Variants in ADAMTS17 observed in about 807,000 individuals in gnomAD.
ADAMTS17 encodes the protein A disintegrin and metalloproteinase with thrombospondin motifs 17.
ADAMTS17 carries 113 observed loss-of-function variants against 141.5 expected under a neutral mutation model. The ratio of observed to expected loss-of-function variants is 0.80; its 90% CI spans 0.69 to 0.93. The LOEUF (loss-of-function observed/expected upper bound fraction) is 0.93, where lower values mean the gene tolerates loss of function less well. Among genes scored for constraint, ADAMTS17 ranks in the 40% least tolerant of loss-of-function variants. The pLI is 0.00. For synonymous variants in ADAMTS17, 768 were observed against 630.6 expected, an observed-to-expected ratio of 1.22 and a Z score of -3.27; for missense variants, 1,659 against 1,517.9, an observed-to-expected ratio of 1.09 and a Z score of -1.54.
intron 3 of ADAMTS17, among the ~76,000 whole-genome samples, chr15:100,302,905 T>C (rs1025561743): frequency 6.6e-6 from 1 of 151,938 alleles, no homozygotes; most frequent in Non-Finnish European, 1.5e-5. Context: ...CAGAAAAATG[T>C]GAGAAGAGAA....
chr15:100,108,360 G>A (rs2036536903), intron 14 of ADAMTS17, among the ~76,000 whole-genome samples: 2 of 152,100 alleles, frequency 1.3e-5, no homozygotes, highest in African/African-American at 2.4e-5. Flanking sequence ...ATTTTTAGTA[G>A]AGACTGAGTT....
chr15:100,283,758 C>T (rs1405466431), intron 3 of ADAMTS17, among the ~76,000 whole-genome samples: 2 of 152,190 alleles, frequency 1.3e-5, no homozygotes, highest in African/African-American at 2.4e-5. Flanking sequence ...AGAAAAGTAG[C>T]CTGTCACTCC....
At chr15:100,323,784 G>A (rs2141919275) in intron 3 of ADAMTS17, among the ~76,000 whole-genome samples, 1 of 152,262 alleles carries the variant, frequency 6.6e-6, no homozygotes, top group South Asian at 2.1e-4. Flanking sequence ...GACTGTGAGT[G>A]ATAAATGCAA....
At chr15:100,250,056 T>C (rs1342835909) in intron 7 of ADAMTS17, among the ~76,000 whole-genome samples, 1 of 152,206 alleles carries the variant, frequency 6.6e-6, no homozygotes, top group Non-Finnish European at 1.5e-5. Flanking sequence ...TGGTGGCAAA[T>C]GTTATGTGTA....
intron 20 of ADAMTS17, chr15:99,976,513 G>A (rs2060334476): frequency 5.2e-6 from 3 of 575,068 alleles, no homozygotes; most frequent in Non-Finnish European, 6.3e-6. Flanking sequence ...AACAGCAGCT[G>A]CCTGATAGAA....
intron 7 of ADAMTS17, among the ~76,000 whole-genome samples, chr15:100,222,005 G>C (rs906545018): frequency 6.6e-5 from 10 of 152,198 alleles, no homozygotes; most frequent in African/African-American, 2.2e-4. Context: ...CTGTGACCCA[G>C]TCAACCAGGT....
chr15:100,220,689 A>G (rs2042106946), intron 7 of ADAMTS17, among the ~76,000 whole-genome samples: 1 of 152,058 alleles, frequency 6.6e-6, no homozygotes, highest in Non-Finnish European at 1.5e-5. Context: ...CTCCTCCCCG[A>G]GCCCCTGGCA....
intron 18 of ADAMTS17, among the ~76,000 whole-genome samples, chr15:100,039,969 T>C (rs111322193): frequency 0.03 from 4,629 of 152,264 alleles, 247 homozygotes; most frequent in African/African-American, 0.1. Context: ...ATTCTAGTAG[T>C]TTTTTTAAAA....
rs559576928 is a variant in ADAMTS17 at position 100,194,751 on chromosome 15, C to T, written c.1181+4567G>A. Among the ~76,000 whole-genome samples, 77 of 152,312 alleles carry T rather than the reference C, an allele frequency of 5.1e-4. No homozygotes were observed. The South Asian group carries it at 0.011, about 23-fold the overall frequency. On this transcript the variant is annotated intron_variant, in intron 8 of 21. Coordinates refer to ENST00000268070, the MANE Select transcript of ADAMTS17 (RefSeq NM_139057.4). ...ATGCTGACATCCAGGACAAGGCACG[C>T]TGTCCTGGTTTCTTGAAGGAGAAAA...
intron 3 of ADAMTS17, among the ~76,000 whole-genome samples, chr15:100,297,607 T>C (rs1482472892): frequency 6.6e-6 from 1 of 152,106 alleles, no homozygotes; most frequent in African/African-American, 2.4e-5. Flanking sequence ...AGTCACTGAA[T>C]TGGGGACCAC....
chr15:100,274,900 G>C (rs2044028581), intron 4 of ADAMTS17, among the ~76,000 whole-genome samples: 1 of 151,840 alleles, frequency 6.6e-6, no homozygotes, highest in South Asian at 2.1e-4. Flanking sequence ...GTTACTGTGG[G>C]GATTATATTT....
intron 12 of ADAMTS17, among the ~76,000 whole-genome samples, chr15:100,117,245 T>A (rs2037195701): frequency 6.6e-6 from 1 of 152,150 alleles, no homozygotes; most frequent in African/African-American, 2.4e-5. Context: ...CAAGGTCATA[T>A]GGAAAAAGAA....
intron 18 of ADAMTS17, among the ~76,000 whole-genome samples, chr15:100,038,695 A>G (rs1426537002): frequency 6.6e-6 from 1 of 152,124 alleles, no homozygotes; most frequent in Non-Finnish European, 1.5e-5. Context: ...GACCTTGTTT[A>G]TTAGTTCTAA....
chr15:100,133,126 T>C, intron 11 of ADAMTS17, 88 bp downstream of exon 11: 2 of 1,299,732 alleles, frequency 1.5e-6, no homozygotes, highest in Non-Finnish European at 2.1e-6. Flanking sequence ...GGCTCCTAAG[T>C]AGAGTACAGA....
chr15:100,334,936 G>C (rs940143705), intron 2 of ADAMTS17, among the ~76,000 whole-genome samples: 5 of 152,096 alleles, frequency 3.3e-5, no homozygotes, highest in African/African-American at 7.2e-5. Context: ...TCGGAGGCTT[G>C]AGCCTGGTCA....
At chr15:100,094,064 A>G (rs1332866541) in intron 15 of ADAMTS17, among the ~76,000 whole-genome samples, 2 of 150,848 alleles carry the variant, frequency 1.3e-5, no homozygotes, top group Non-Finnish European at 2.9e-5. Flanking sequence ...GCTCGTGGTC[A>G]CAGACTCCAG....
intron 6 of ADAMTS17, among the ~76,000 whole-genome samples, chr15:100,257,794 G>C (rs1404669004): frequency 2.6e-5 from 4 of 152,248 alleles, no homozygotes; most frequent in East Asian, 3.9e-4. Context: ...TAACCATTGA[G>C]TGTAAAGCTC....
chr15:100,106,049 T>G (rs1219698941), intron 14 of ADAMTS17, among the ~76,000 whole-genome samples: 1 of 151,774 alleles, frequency 6.6e-6, no homozygotes, highest in African/African-American at 2.4e-5. Context: ...TAGGCTGGAG[T>G]GCAGTGGCAA....
chr15:100,288,157 T>C (rs1426407263), intron 3 of ADAMTS17, among the ~76,000 whole-genome samples: 2 of 152,182 alleles, frequency 1.3e-5, no homozygotes, highest in African/African-American at 4.8e-5. Context: ...AGTAAAGGGA[T>C]GGAGAAACAT....
Sources: gnomAD v4.1 joint callset for allele counts (sites outside exome capture counted in the v4.1 genomes callset) on GRCh38, gnomAD v4.1.1 for gene constraint, MANE v1.5 for transcripts, NCBI Gene and HGNC (gene_info 2026-07-23, HGNC 2026-07-21) for gene names.